The following DAGLB variants were observed in gnomAD, a reference collection of about 807,000 sequenced individuals.
DAGLB encodes diacylglycerol lipase beta.
DAGLB carries 66 observed loss-of-function variants against 72.1 expected under a neutral mutation model. The observed-to-expected ratio is 0.92, with a 90% CI of 0.75 to 1.12. DAGLB has a LOEUF of 1.12. Among genes scored for constraint, DAGLB ranks in the 50% most tolerant of loss-of-function variants. The pLI, the probability that DAGLB is intolerant of heterozygous loss-of-function variation, is 0.00. For synonymous variants in DAGLB, 414 were observed against 359.5 expected, an observed-to-expected ratio of 1.15 and a Z score of -1.71; for missense variants, 1,065 against 884.9, an observed-to-expected ratio of 1.20 and a Z score of -2.58.
chr7:6,417,021 T>C (rs1252221807), intron 9 of DAGLB, 100 bp from the exon 10 acceptor site: 27 of 1,335,920 alleles, frequency 2.0e-5, no homozygotes, highest in Non-Finnish European at 2.6e-5. Flanking sequence ...TGTGTGAGTC[T>C]CTCCTGGGAT....
intron 8 of DAGLB, among the ~76,000 whole-genome samples, chr7:6,423,791 G>A (rs945298859): frequency 6.6e-6 from 1 of 152,190 alleles, no homozygotes; most frequent in Non-Finnish European, 1.5e-5. Flanking sequence ...GTTTCACCAT[G>A]TTGGACAGGA....
rs767410986 is a variant in DAGLB at position 6,434,921 on chromosome 7, C to T, written c.519G>A (p.Leu173=). The part of the protein sequence containing the change: ...APYSSAGPSH[L]DSHDSSQLLN... ...GTAACTGGCTTGAATCATGACTATCCAGGTGGCTGGGGCCGGCAGAGGAAT... is the reference window on the plus strand; with the variant it reads ...GTAACTGGCTTGAATCATGACTATCTAGGTGGCTGGGGCCGGCAGAGGAAT... The change falls in exon 4 of 15, where the codon CTG becomes CTA. Residue 173 remains leucine (L), a synonymous_variant. Coordinates refer to ENST00000297056, the MANE Select transcript of DAGLB (RefSeq NM_139179.4). 5 of 1,614,172 alleles carry T rather than the reference C, an allele frequency of 3.1e-6. No individual in the cohort carries two copies. Among genetic ancestry groups the T allele is most frequent in the Non-Finnish European group, 3.4e-6 (4 of 1,180,050 alleles).
intron 2 of DAGLB, among the ~76,000 whole-genome samples, chr7:6,442,509 G>C (rs1784866474): frequency 6.6e-6 from 1 of 152,160 alleles, no homozygotes; most frequent in South Asian, 2.1e-4. Context: ...AAACTCAGTG[G>C]TCTAACCAGA....
chr7:6,446,130 TCA>T, intron 1 of DAGLB, 26 bp from the exon 2 acceptor site: 20 of 1,573,836 alleles, frequency 1.3e-5, no homozygotes, highest in Non-Finnish European at 1.6e-5. Flanking sequence ...AAGGGAAGGG[TCA>T]GAAATGAAAT....
In DAGLB at chr7:6,432,671, A is replaced by AG. The variant is rs1314959516; in HGVS notation, c.801+165_801+166insC. ...CGAGACTCCGTCTTAAAAAAAAAAAAAAAAAAGGTGGGAGAGGGGAGGGAA... is the reference window on the plus strand; with the variant it reads ...CGAGACTCCGTCTTAAAAAAAAAAAAGAAAAAAGGTGGGAGAGGGGAGGGAA... On this transcript the variant is annotated intron_variant, in intron 5 of 14. Transcript: ENST00000297056. Among the ~76,000 whole-genome samples, 66 of 147,706 alleles carry AG rather than the reference A, an allele frequency of 4.5e-4. 1 individual carries two copies. In the East Asian group the frequency reaches 0.012, roughly 27 times the overall value.
chr7:6,432,675 A>G (rs1784521710), intron 5 of DAGLB, among the ~76,000 whole-genome samples, 162 bp downstream of exon 5: 1 of 140,110 alleles, frequency 7.1e-6, no homozygotes, highest in African/African-American at 2.6e-5. Flanking sequence ...AAAAAAAAAA[A>G]AAGGTGGGAG....
At chr7:6,444,196 C>T (rs112607471) in intron 2 of DAGLB, among the ~76,000 whole-genome samples, 7,763 of 152,178 alleles carry the variant, frequency 0.051, 498 homozygotes, top group African/African-American at 0.15. Context: ...TTGCTTGAGC[C>T]CAGGTATTTG....
At chr7:6,410,411 G>T in intron 13 of DAGLB, 31 bp from the exon 14 acceptor site, 1 of 1,571,494 alleles carries the variant, frequency 6.4e-7, no homozygotes, top group Non-Finnish European at 8.7e-7. Flanking sequence ...GTAGAATGCT[G>T]TCACTCACCC....
At chr7:6,434,475 G>A (rs116888761) in intron 4 of DAGLB, among the ~76,000 whole-genome samples, 3,394 of 152,192 alleles carry the variant, frequency 0.022, 58 homozygotes, top group Middle Eastern at 0.054. Context: ...AGGGTACAGC[G>A]TCCGTTATGT....
chr7:6,440,015 G>A (rs1230363854), intron 2 of DAGLB, among the ~76,000 whole-genome samples: 2 of 146,300 alleles, frequency 1.4e-5, no homozygotes, highest in Non-Finnish European at 3.0e-5. Flanking sequence ...TCACGCCACT[G>A]CACTCCAGCC....
At chr7:6,426,617 T>G (rs929223118) in intron 6 of DAGLB, among the ~76,000 whole-genome samples, 1 of 152,180 alleles carries the variant, frequency 6.6e-6, no homozygotes, top group Non-Finnish European at 1.5e-5. Context: ...ACTTCTTGGA[T>G]AGAGTTCTGA....
At chr7:6,413,490 C>T (rs1169748403) in intron 11 of DAGLB, among the ~76,000 whole-genome samples, 6 of 152,076 alleles carry the variant, frequency 3.9e-5, no homozygotes, top group Non-Finnish European at 5.9e-5. Context: ...ATTAGCCAGG[C>T]GTGGTGGTGG....
rs147189502 is a variant in DAGLB at position 6,431,188 on chromosome 7, G to A, written c.802-581C>T. Among the ~76,000 whole-genome samples, 22 of 151,980 alleles carry A rather than the reference G, an allele frequency of 1.4e-4. No homozygotes were observed. In the East Asian group the frequency reaches 4.2e-3, roughly 29 times the overall value. On this transcript the variant is annotated intron_variant, in intron 5 of 14. Coordinates refer to ENST00000297056, the MANE Select transcript of DAGLB (RefSeq NM_139179.4). ...ATGAGCCGGCGCTTCCTATCTAGAT[G>A]CCTGAAACTAGTACATTTCCATGCC...
intron 4 of DAGLB, 45 bp from the exon 5 acceptor site, chr7:6,433,004 C>G: frequency 6.3e-7 from 1 of 1,596,052 alleles, no homozygotes; most frequent in Non-Finnish European, 8.5e-7. Flanking sequence ...CCAGCAGGCA[C>G]CACCCCCGGG....
Position 6,409,604 on chromosome 7 carries a change from TG to T in DAGLB, c.*232del. The T allele has an allele frequency of 1.7e-6, 1 of 574,416 alleles. No homozygotes were observed. The highest frequency in any genetic ancestry group is 3.1e-6 in the Non-Finnish European group (1 of 326,462). 35.6% of individuals were successfully genotyped at this position (574,416 alleles called of 1,614,324 possible). ...TTCCCGAGGCTGTCTCCACGGTCGC[TG>T]GGTCTCAGGAGTCGTCCTATCACCT... On this transcript the variant is annotated 3_prime_UTR_variant, in exon 15 of 15. Transcript: ENST00000297056.
chr7:6,430,705 T>A, intron 5 of DAGLB, 98 bp from the exon 6 acceptor site: 3 of 1,284,718 alleles, frequency 2.3e-6, no homozygotes, highest in Non-Finnish European at 3.0e-6. Flanking sequence ...TCCTGACTCT[T>A]CCTGCTCCTT....
intron 8 of DAGLB, among the ~76,000 whole-genome samples, 157 bp downstream of exon 8, chr7:6,424,595 G>A (rs1001792538): frequency 2.0e-5 from 3 of 152,066 alleles, no homozygotes; most frequent in East Asian, 1.9e-4. Flanking sequence ...TTTGCAAAGG[G>A]AGTATTTCCC....
At chr7:6,412,665 C>A in intron 13 of DAGLB, 146 bp downstream of exon 13, 1 of 914,260 alleles carries the variant, frequency 1.1e-6, no homozygotes, top group Admixed American at 2.2e-5. Context: ...AGTCCTAGCC[C>A]AGAATCTGAT....
chr7:6,435,163 CCTGCCTGAGGCAAGCAA>C, intron 3 of DAGLB, 143 bp from the exon 4 acceptor site: 1 of 1,276,014 alleles, frequency 7.8e-7, no homozygotes, highest in Non-Finnish European at 1.1e-6. Context: ...TCTCCTGGAA[CCTGCCTGAGGCAAGCAA>C]CTTTCTTCTA....
Sources: allele counts gnomAD v4.1 joint callset (sites outside exome capture counted in the v4.1 genomes callset), GRCh38; gene constraint gnomAD v4.1.1; transcripts MANE v1.5; gene names NCBI Gene and HGNC (gene_info 2026-07-23, HGNC 2026-07-21).